The following SPON2 variants were observed in gnomAD, a reference collection of about 807,000 sequenced individuals.
SPON2 encodes the protein spondin-2.
In SPON2, 32 loss-of-function variants were observed where a neutral mutation model predicts 29.9. The observed-to-expected ratio is 1.07, with a 90% CI of 0.81 to 1.44. SPON2 has a LOEUF of 1.44. Among genes scored for constraint, SPON2 ranks in the 40% most tolerant of loss-of-function variants. SPON2 has a pLI of 0.00. For synonymous variants in SPON2, 248 were observed against 209.1 expected, an observed-to-expected ratio of 1.19 and a Z score of -1.61; for missense variants, 541 against 455.5, an observed-to-expected ratio of 1.19 and a Z score of -1.71.
chr4:1,206,950 G>A (rs1728356460), intron 1 of SPON2, among the ~76,000 whole-genome samples: 1 of 151,294 alleles, frequency 6.6e-6, no homozygotes. Flanking sequence ...AGTGGGGGCA[G>A]GTGTGGGGCA....
At chr4:1,173,779 T>C (rs557680191), upstream of SPON2, among the ~76,000 whole-genome samples, 10 of 152,244 alleles carry the variant, frequency 6.6e-5, no homozygotes, top group Non-Finnish European at 1.5e-4. Flanking sequence ...ATCTAACCTG[T>C]ATTTTAAGCG....
intron 1 of SPON2, among the ~76,000 whole-genome samples, chr4:1,189,809 A>G (rs1293451772): frequency 6.6e-6 from 1 of 151,538 alleles, no homozygotes; most frequent in Non-Finnish European, 1.5e-5. Flanking sequence ...TAAGATGGTG[A>G]AACCCCGTTT....
chr4:1,191,064 TCTAA>T (rs1197678476), intron 1 of SPON2, among the ~76,000 whole-genome samples: 1 of 151,868 alleles, frequency 6.6e-6, no homozygotes, highest in African/African-American at 2.4e-5. Flanking sequence ...CCATCAAAAT[TCTAA>T]CTGCTTTTTT....
chr4:1,171,213 C>G (rs1489113986), intron 3 of SPON2, 23 bp from the exon 4 acceptor site: 6 of 1,462,030 alleles, frequency 4.1e-6, no homozygotes, highest in Non-Finnish European at 5.4e-6. Context: ...CGGCTCAGCG[C>G]GCCTGGCCCC....
chr4:1,170,391 A>T lies in SPON2; in HGVS notation c.811+11T>A, dbSNP rs1325551354. ...CTGCTGTGTGTCCCATGTGACCTGT[A>T]TGTCCGTTACCTGAGGCGCTGTCTA... is the stretch of plus-strand genomic sequence containing the variant. On this transcript the variant is annotated intron_variant, in intron 5 of 5. Transcript: ENST00000290902. The T allele has an allele frequency of 1.2e-6, 2 of 1,610,354 alleles. No individual in the cohort carries two copies. Among genetic ancestry groups the T allele is most frequent in the Non-Finnish European group, 8.5e-7 (1 of 1,178,918 alleles).
chr4:1,169,482 C>T (rs370293578), intron 5 of SPON2, among the ~76,000 whole-genome samples: 297 of 152,272 alleles, frequency 2.0e-3, no homozygotes, highest in Non-Finnish European at 2.6e-3. Context: ...GCCAGCCAGG[C>T]GGCCTCCTGT....
Position 1,206,208 on chromosome 4 carries a change from G to A in SPON2, c.-234+1672C>T, listed in dbSNP as rs967452585. 3.3e-5 allele frequency among the ~76,000 whole-genome samples: 5 copies of A among 152,178 alleles called. No individual in the cohort carries two copies. The East Asian group carries it at 7.7e-4, about 23-fold the overall frequency. On this transcript the variant is annotated intron_variant, in intron 1 of 3. Transcript: ENST00000509233. Reference sequence around the variant, plus strand: ...CCCTGCTCCTCATGTGTGCCCCCACGGGAGCCAGCGGGCAGCAGCTGGACC... The same window carrying A: ...CCCTGCTCCTCATGTGTGCCCCCACAGGAGCCAGCGGGCAGCAGCTGGACC...
chr4:1,191,082 CTT>C (rs771514559), intron 1 of SPON2, among the ~76,000 whole-genome samples: 13 of 140,018 alleles, frequency 9.3e-5, no homozygotes, highest in Admixed American at 7.1e-5. Context: ...CTTTTTTTTT[CTT>C]TTTTTTTTTT....
chr4:1,201,493 G>C (rs1464842785), intron 1 of SPON2: 1 of 178,968 alleles, frequency 5.6e-6, no homozygotes, highest in East Asian at 1.7e-4. Flanking sequence ...ACATGCACGT[G>C]ACCACAGAGA....
At chr4:1,170,603 C>A in intron 4 of SPON2, 27 bp from the exon 5 acceptor site, 1 of 1,593,482 alleles carries the variant, frequency 6.3e-7, no homozygotes. Context: ...GGAGGTTGGC[C>A]TGGGGTCCGA....
At chr4:1,167,704 C>T (rs776164435) in intron 5 of SPON2, 48 bp from the exon 6 acceptor site, 11 of 1,531,438 alleles carry the variant, frequency 7.2e-6, no homozygotes, top group African/African-American at 2.8e-5. Context: ...CGTGAAGAGG[C>T]GCTTCGTACA....
intron 1 of SPON2, among the ~76,000 whole-genome samples, chr4:1,186,866 C>A (rs148999164): frequency 3.3e-5 from 5 of 152,100 alleles, no homozygotes; most frequent in African/African-American, 9.7e-5. Context: ...ATCAAAAAAA[C>A]CCCAAAATAA....
At chr4:1,201,824 C>A (rs1253310355) in intron 1 of SPON2, among the ~76,000 whole-genome samples, 4 of 152,116 alleles carry the variant, frequency 2.6e-5, no homozygotes, top group South Asian at 2.1e-4. Context: ...ACCTCGTGAT[C>A]CAGCCACCTC....
At chr4:1,203,840 ATATTATTTGGAAAAAACATC>A (rs1240337903) in intron 1 of SPON2, among the ~76,000 whole-genome samples, 1 of 151,424 alleles carries the variant, frequency 6.6e-6, no homozygotes, top group African/African-American at 2.4e-5. Context: ...CTGGTCGCAT[ATATTATTTGGAAAAAACATC>A]TATTCAAATT....
At chr4:1,177,763 C>T (rs1437830900), upstream of SPON2, among the ~76,000 whole-genome samples, 2 of 152,110 alleles carry the variant, frequency 1.3e-5, no homozygotes, top group Non-Finnish European at 2.9e-5. Context: ...CTCCCTGGGG[C>T]GCGGCACAGG....
upstream of SPON2, among the ~76,000 whole-genome samples, chr4:1,174,971 A>G (rs996406721): frequency 6.6e-6 from 1 of 152,216 alleles, no homozygotes; most frequent in Non-Finnish European, 1.5e-5. Flanking sequence ...AGGTGCCCTC[A>G]TGCAATGGGC....
chr4:1,181,111 G>A (rs766612789), intron 1 of SPON2, among the ~76,000 whole-genome samples: 7 of 152,126 alleles, frequency 4.6e-5, no homozygotes, highest in Non-Finnish European at 8.8e-5. Flanking sequence ...CAAAGCCAAG[G>A]ACAAAGAGAG....
intron 1 of SPON2, among the ~76,000 whole-genome samples, chr4:1,207,228 G>A (rs1440757583): frequency 6.6e-6 from 1 of 152,164 alleles, no homozygotes; most frequent in African/African-American, 2.4e-5. Flanking sequence ...TGCACAGAGG[G>A]GGTGGAGGCC....
In SPON2 at chr4:1,202,010, T is replaced by C. The variant is rs1237093247; in HGVS notation, c.-234+5870A>G. Among the ~76,000 whole-genome samples the C allele has an allele frequency of 6.6e-6, 1 of 152,236 alleles. No individual in the cohort carries two copies. The highest frequency in any genetic ancestry group is 1.9e-4 in the East Asian group (1 of 5,192). On this transcript the variant is annotated intron_variant, in intron 1 of 3. Coordinates refer to the SPON2 transcript ENST00000509233. This position sits in a 1 kb window ranked among gnomAD's most constrained non-coding sequence, Gnocchi z 5.4. ...GTGTACAATTCAGTGGTTTTTAGCA[T>C]GTTCACGAAGTTGTGCAACCATCCC... is the stretch of plus-strand genomic sequence containing the variant.
Sources: gnomAD v4.1 joint callset for allele counts (sites outside exome capture counted in the v4.1 genomes callset) on GRCh38, gnomAD v4.1.1 for gene constraint, Gnocchi (gnomAD v3.1) non-coding constraint, MANE v1.5 for transcripts, NCBI Gene and HGNC (gene_info 2026-07-23, HGNC 2026-07-21) for gene names.